Variants in RBFOX1 observed in about 807,000 individuals in gnomAD.
RBFOX1 encodes the protein RNA binding protein fox-1 homolog 1.
RBFOX1 carries 8 observed loss-of-function variants against 57.7 expected under a neutral mutation model. The ratio of observed to expected loss-of-function variants is 0.14; its 90% CI spans 0.08 to 0.25. RBFOX1 has a LOEUF of 0.25. Among genes scored for constraint, RBFOX1 ranks in the 10% least tolerant of loss-of-function variants. The probability of loss-of-function intolerance (pLI) is 1.00; values close to 1 mark genes in which losing one functional copy is unlikely to be tolerated. For synonymous variants in RBFOX1, 326 were observed against 222.4 expected (o/e 1.47, Z -4.15); for missense variants, 611 against 548.5 (o/e 1.11, Z -1.14).
chr16:6,738,105 T>C (rs1437885344), intron 3 of RBFOX1, among the ~76,000 whole-genome samples: 2 of 151,774 alleles, frequency 1.3e-5, no homozygotes, highest in Admixed American at 1.3e-4. Context: ...TCAGGCATTT[T>C]CCTCTTGTCA....
chr16:5,706,228 A>C (rs773958862), intron 3 of RBFOX1, among the ~76,000 whole-genome samples: 2 of 152,012 alleles, frequency 1.3e-5, no homozygotes, highest in Non-Finnish European at 2.9e-5. Flanking sequence ...TTTTTTTCCT[A>C]TGATTTTTGT....
intron 1 of RBFOX1, among the ~76,000 whole-genome samples, chr16:5,350,541 C>T (rs764626403): frequency 5.3e-5 from 8 of 152,126 alleles, no homozygotes; most frequent in Non-Finnish European, 1.0e-4. Context: ...GCAATTGGCT[C>T]CCACTTCTAG....
At chr16:7,653,770 T>C (rs2065639775) in intron 11 of RBFOX1, 45 bp from the exon 12 acceptor site, 1 of 1,593,248 alleles carries the variant, frequency 6.3e-7, no homozygotes, top group South Asian at 1.1e-5. Flanking sequence ...AGGGTGTGCA[T>C]CTGACAGCCT....
chr16:5,472,010 C>T (rs965149134), intron 2 of RBFOX1, among the ~76,000 whole-genome samples: 3 of 152,118 alleles, frequency 2.0e-5, no homozygotes, highest in Non-Finnish European at 2.9e-5. Context: ...TTTCAGATTG[C>T]GGTGGATTTA....
chr16:6,382,422 G>A (rs1168935889), intron 2 of RBFOX1, among the ~76,000 whole-genome samples: 1 of 152,214 alleles, frequency 6.6e-6, no homozygotes, highest in Admixed American at 6.5e-5. Context: ...CTGAGGACTA[G>A]TAAAATGCAA....
At chr16:7,278,212 A>G (rs948473003) in intron 4 of RBFOX1, among the ~76,000 whole-genome samples, 9 of 152,212 alleles carry the variant, frequency 5.9e-5, no homozygotes, top group Admixed American at 3.3e-4. Flanking sequence ...TGCATTCAAC[A>G]AATTAACCAG....
chr16:5,743,520 G>T (rs1161526132), intron 3 of RBFOX1, among the ~76,000 whole-genome samples: 1 of 152,162 alleles, frequency 6.6e-6, no homozygotes, highest in East Asian at 1.9e-4. Flanking sequence ...ACGTAAAACT[G>T]ACTGGTGCCA....
At chr16:5,722,871 G>C (rs1303542440) in intron 3 of RBFOX1, among the ~76,000 whole-genome samples, 1 of 152,062 alleles carries the variant, frequency 6.6e-6, no homozygotes, top group Non-Finnish European at 1.5e-5. Context: ...AACTTTTTCT[G>C]TTGCCAGCTC....
chr16:7,371,707 G>A lies in RBFOX1; in HGVS notation c.28-146440G>A, dbSNP rs528840408. 5.3e-5 allele frequency among the ~76,000 whole-genome samples: 8 copies of A among 152,236 alleles called. No individual in the cohort carries two copies. In the South Asian group the frequency reaches 8.3e-4, roughly 16 times the overall value. On this transcript the variant is annotated intron_variant, in intron 4 of 15. Coordinates refer to ENST00000550418, the MANE Select transcript of RBFOX1 (RefSeq NM_018723.4). ...GGAGGTTGCAGTGAGCTGAGATCAC[G>A]CCACTGCACTCCAGCCTGGGCGACA...
intron 2 of RBFOX1, among the ~76,000 whole-genome samples, chr16:6,549,626 G>T (rs112638796): frequency 4.6e-5 from 7 of 151,934 alleles, no homozygotes; most frequent in African/African-American, 1.4e-4. Flanking sequence ...TGTAGGGAAG[G>T]CTTTGATTGG....
chr16:6,987,413 G>A (rs937662400), intron 3 of RBFOX1, among the ~76,000 whole-genome samples: 2 of 149,696 alleles, frequency 1.3e-5, no homozygotes, highest in African/African-American at 2.5e-5. Context: ...GTTATCTCCC[G>A]AGCCACTAGG....
downstream of RBFOX1, among the ~76,000 whole-genome samples, chr16:5,604,168 C>T (rs947933556): frequency 7.2e-5 from 11 of 152,170 alleles, no homozygotes; most frequent in African/African-American, 2.7e-4. Flanking sequence ...TATTTCAAAA[C>T]CCCTGTATTT....
chr16:6,069,934 C>T (rs1031706666), intron 1 of RBFOX1, among the ~76,000 whole-genome samples: 1 of 152,094 alleles, frequency 6.6e-6, no homozygotes, highest in Non-Finnish European at 1.5e-5. Context: ...TTGCAGTGAG[C>T]CGAGATCCAA....
intron 3 of RBFOX1, among the ~76,000 whole-genome samples, chr16:6,955,242 GAAGAAAAA>G (rs202164968): frequency 7.7e-3 from 1,167 of 151,420 alleles, no homozygotes; most frequent in African/African-American, 0.027. Flanking sequence ...CCTTGTCTGG[GAAGAAAAA>G]AAGAAAAAAA....
chr16:6,016,246 C>T (rs1440268728), upstream of RBFOX1, among the ~76,000 whole-genome samples: 1 of 152,094 alleles, frequency 6.6e-6, no homozygotes, highest in African/African-American at 2.4e-5. Context: ...GCAAGAACAC[C>T]TTATCTGTGC....
chr16:6,154,976 A>C (rs1053114804), intron 1 of RBFOX1, among the ~76,000 whole-genome samples: 1 of 152,226 alleles, frequency 6.6e-6, no homozygotes, highest in Non-Finnish European at 1.5e-5. Flanking sequence ...TTTTTGTTTT[A>C]CTGAATATTC....
At position 6,062,584 on chromosome 16, in the gene RBFOX1, G is replaced by A. The variant is rs562799164; in HGVS notation, c.-127+42592G>A. Among the ~76,000 whole-genome samples, 43 of 104,546 alleles carry A rather than the reference G, an allele frequency of 4.1e-4. 2 individuals are homozygous for A. The South Asian group carries it at 0.012, about 30-fold the overall frequency. 68.6% of individuals were successfully genotyped at this position (104,546 alleles called of 152,430 possible). A position where few individuals can be genotyped will look rare whatever the true frequency, so the allele number is the denominator to read the frequency against. ...TATATATAACATATATATCTATAGA[G>A]ATTGTATATATGTATATATGTTACA... On this transcript the variant is annotated intron_variant, in intron 1 of 15. Transcript: ENST00000550418.
chr16:6,740,358 A>G (rs1403555460), intron 3 of RBFOX1, among the ~76,000 whole-genome samples: 1 of 152,216 alleles, frequency 6.6e-6, no homozygotes, highest in Non-Finnish European at 1.5e-5. Flanking sequence ...ACAAGACACC[A>G]CTGCTATTCA....
At chr16:7,048,761 G>C (rs2048927178) in intron 3 of RBFOX1, among the ~76,000 whole-genome samples, 1 of 152,074 alleles carries the variant, frequency 6.6e-6, no homozygotes, top group Admixed American at 6.6e-5. Flanking sequence ...GATTTTCTTG[G>C]TTCCTAGTAT....
Sources: allele counts gnomAD v4.1 joint callset (sites outside exome capture counted in the v4.1 genomes callset), GRCh38; gene constraint gnomAD v4.1.1; transcripts MANE v1.5; gene names NCBI Gene and HGNC (gene_info 2026-07-23, HGNC 2026-07-21).